Variants in PLPP1 observed in about 807,000 individuals in gnomAD.
The protein encoded by PLPP1 is lipid phosphate phosphohydrolase 1a.
Under a neutral mutation model 31.2 loss-of-function variants are expected in PLPP1, and 24 were observed. The observed-to-expected ratio is 0.77, with a 90% CI of 0.56 to 1.08. The LOEUF is 1.08. Ranked by LOEUF, PLPP1 falls within the 50% of genes least tolerant of loss-of-function variation. PLPP1 has a pLI of 0.00. For missense variants in PLPP1, 319 were observed against 342.7 expected, an observed-to-expected ratio of 0.93 and a Z score of 0.55; for synonymous variants, 146 against 126.3, an observed-to-expected ratio of 1.16 and a Z score of -1.05.
At chr5:55,431,593 G>A (rs1345262300) in intron 4 of PLPP1, among the ~76,000 whole-genome samples, 2 of 151,952 alleles carry the variant, frequency 1.3e-5, no homozygotes, top group African/African-American at 4.8e-5. Context: ...ATAGAGGCAG[G>A]ACATACCGAA....
intron 1 of PLPP1, among the ~76,000 whole-genome samples, chr5:55,521,611 T>G (rs1753669842): frequency 1.3e-5 from 2 of 152,230 alleles, no homozygotes; most frequent in Non-Finnish European, 1.5e-5. Context: ...GATGGAGACC[T>G]TGTCTCACTC....
intron 1 of PLPP1, among the ~76,000 whole-genome samples, chr5:55,501,986 C>A (rs1404713598): frequency 6.6e-6 from 1 of 152,084 alleles, no homozygotes; most frequent in African/African-American, 2.4e-5. Flanking sequence ...GGCACTCAGG[C>A]AGATCATTAT....
At position 55,464,456 on chromosome 5, in the gene PLPP1, G is replaced by A. The variant is rs141435098; in HGVS notation, c.491+3413C>T. Among the ~76,000 whole-genome samples, 7 of 152,116 alleles carry A rather than the reference G, an allele frequency of 4.6e-5. 1 individual carries two copies. In the East Asian group the frequency reaches 1.4e-3, roughly 29 times the overall value. On this transcript the variant is annotated intron_variant, in intron 3 of 5. Coordinates refer to ENST00000307259, the MANE Select transcript of PLPP1 (RefSeq NM_003711.4). The stretch of plus-strand genomic sequence containing the variant: ...TCACTACGTTGGCCAGGCTGGTCTC[G>A]AAATCCTGACCTCAAGTGATCCACC...
chr5:55,513,537 G>A (rs977435910), intron 1 of PLPP1, among the ~76,000 whole-genome samples: 4 of 152,058 alleles, frequency 2.6e-5, no homozygotes, highest in African/African-American at 9.7e-5. Context: ...CTCCCAAAGT[G>A]CTGGGATTAC....
chr5:55,460,765 G>GAGCTC (rs1464340039), intron 3 of PLPP1, among the ~76,000 whole-genome samples: 11 of 152,118 alleles, frequency 7.2e-5, no homozygotes, highest in African/African-American at 2.4e-4. Flanking sequence ...AGGATCACTT[G>GAGCTC]AGCTCAGGAG....
chr5:55,514,693 C>T (rs1579979374), intron 1 of PLPP1, among the ~76,000 whole-genome samples: 1 of 151,764 alleles, frequency 6.6e-6, no homozygotes, highest in South Asian at 2.1e-4. Context: ...TAAAGGCACA[C>T]AAATATAAGG....
At chr5:55,497,043 T>C (rs1170906144) in intron 1 of PLPP1, among the ~76,000 whole-genome samples, 1 of 152,194 alleles carries the variant, frequency 6.6e-6, no homozygotes, top group East Asian at 1.9e-4. Context: ...ACTACACTGA[T>C]TCATGTACCC....
intron 3 of PLPP1, among the ~76,000 whole-genome samples, chr5:55,453,580 G>A (rs1408769647): frequency 6.6e-6 from 1 of 152,190 alleles, no homozygotes; most frequent in Non-Finnish European, 1.5e-5. Context: ...AAGGCAGTCA[G>A]ATTAACTGAG....
rs143503260 is a variant in PLPP1, at chr5:55,512,777, C to A, written c.58+21795G>T. Among the ~76,000 whole-genome samples the A allele has an allele frequency of 1.3e-3, 191 of 151,838 alleles. 2 individuals carry two copies. The Middle Eastern group carries it at 0.02, about 16-fold the overall frequency. ...GGAAAGAAACAAGGTATGGGGAGCT[C>A]CTCTAATGGAAAAGTAATTTTTAAC... On this transcript the variant is annotated intron_variant, in intron 1 of 5. Transcript: ENST00000307259.
At chr5:55,490,818 A>G (rs916065142) in intron 1 of PLPP1, 8 of 895,908 alleles carry the variant, frequency 8.9e-6, no homozygotes, top group Non-Finnish European at 1.3e-5. Flanking sequence ...GGACTAAAAC[A>G]GTGGGTATAT....
chr5:55,501,678 A>G (rs1488637339), intron 1 of PLPP1, among the ~76,000 whole-genome samples: 1 of 151,994 alleles, frequency 6.6e-6, no homozygotes, highest in Non-Finnish European at 1.5e-5. Flanking sequence ...CTAATTTTGT[A>G]TTTTTAGCAG....
rs79782478 is a variant in PLPP1, at chr5:55,440,474, A to G, written c.549+1377T>C. 5.2e-3 allele frequency among the ~76,000 whole-genome samples: 790 copies of G among 152,352 alleles called. 2 individuals are homozygous for G. Among genetic ancestry groups the G allele is most frequent in the Non-Finnish European group, 7.1e-3 (483 of 68,034 alleles). On this transcript the variant is annotated intron_variant, in intron 4 of 5. Coordinates refer to ENST00000307259, the MANE Select transcript of PLPP1 (RefSeq NM_003711.4). ...TTCTAATATGATAAATGAACAGAAG[A>G]TGTCAGAATAGTATTTTCTGCTAAC...
chr5:55,459,711 T>C (rs1049042686), intron 3 of PLPP1, among the ~76,000 whole-genome samples: 11 of 152,202 alleles, frequency 7.2e-5, no homozygotes, highest in Non-Finnish European at 1.3e-4. Context: ...TAGAAAGTAT[T>C]GTTAGCCCTT....
intron 4 of PLPP1, among the ~76,000 whole-genome samples, chr5:55,433,128 C>T (rs1170390780): frequency 5.4e-5 from 7 of 130,626 alleles, no homozygotes; most frequent in African/African-American, 1.4e-4. Context: ...GGCAACATGG[C>T]GACACCCCAT....
At chr5:55,460,396 CA>C (rs1238704025) in intron 3 of PLPP1, among the ~76,000 whole-genome samples, 1 of 151,312 alleles carries the variant, frequency 6.6e-6, no homozygotes, top group Non-Finnish European at 1.5e-5. Context: ...TGAAACTAAC[CA>C]AAAGGTTAAT....
At chr5:55,518,936 T>C (rs1381738630) in intron 1 of PLPP1, among the ~76,000 whole-genome samples, 1 of 152,176 alleles carries the variant, frequency 6.6e-6, no homozygotes, top group African/African-American at 2.4e-5. Flanking sequence ...GACCAGAATC[T>C]GACTTCCAAA....
Position 55,439,445 on chromosome 5 carries a change from T to A in PLPP1, c.549+2406A>T, listed in dbSNP as rs1221093627. On this transcript the variant is annotated intron_variant, in intron 4 of 5. Coordinates refer to ENST00000307259, the MANE Select transcript of PLPP1 (RefSeq NM_003711.4). Reference sequence around the variant, plus strand: ...CCCTGACCACTTAGAAGCAGTGGAGTCATTCTGAATCTGCAGTGACTCTGA... The same window carrying A: ...CCCTGACCACTTAGAAGCAGTGGAGACATTCTGAATCTGCAGTGACTCTGA... Among the ~76,000 whole-genome samples the A allele has an allele frequency of 7.2e-5, 11 of 152,252 alleles. No individual in the cohort carries two copies. In the East Asian group the frequency reaches 1.2e-3, roughly 16 times the overall value.
chr5:55,448,597 G>A (rs901203986), intron 3 of PLPP1, among the ~76,000 whole-genome samples: 5 of 151,874 alleles, frequency 3.3e-5, no homozygotes, highest in East Asian at 3.9e-4. Flanking sequence ...ACAGGCGTGC[G>A]CCACCACACC....
chr5:55,509,540 T>C (rs1753359706), intron 1 of PLPP1, among the ~76,000 whole-genome samples: 2 of 152,218 alleles, frequency 1.3e-5, no homozygotes, highest in African/African-American at 4.8e-5. Flanking sequence ...AGTTGGGATA[T>C]AGGATATAAG....
Sources: gnomAD v4.1 joint callset for allele counts (sites outside exome capture counted in the v4.1 genomes callset) on GRCh38, gnomAD v4.1.1 for gene constraint, MANE v1.5 for transcripts, NCBI Gene and HGNC (gene_info 2026-07-23, HGNC 2026-07-21) for gene names.